The following TECPR2 variants were observed in gnomAD, a reference collection of about 807,000 sequenced individuals.
TECPR2 encodes the protein tectonin beta-propeller repeat-containing protein 2.
Under a neutral mutation model 138.1 loss-of-function variants are expected in TECPR2, and 65 were observed. That is an observed-to-expected ratio of 0.47 (90% CI 0.39 to 0.58). The LOEUF (loss-of-function observed/expected upper bound fraction) is 0.58, where lower values mean the gene tolerates loss of function less well. TECPR2 is among the 20% of genes least tolerant of loss of function. TECPR2 has a pLI of 0.00. For synonymous variants in TECPR2, 746 were observed against 749.8 expected, an observed-to-expected ratio of 0.99 and a Z score of 0.08; for missense variants, 1,553 against 1,824.5, an observed-to-expected ratio of 0.85 and a Z score of 2.71.
chr14:102,498,298 T>C lies in TECPR2; in HGVS notation c.*41T>C. ...GTCACGCGGAGGGGCCCGGCGTCTG[T>C]GGCGGGCACAGGGGCTTCAGAGTGA... On this transcript the variant is annotated 3_prime_UTR_variant, in exon 20 of 20. Transcript: ENST00000359520. 1 of 1,571,896 alleles carries C rather than the reference T, an allele frequency of 6.4e-7. No homozygotes were observed. Among genetic ancestry groups the C allele is most frequent in the Non-Finnish European group, 8.6e-7 (1 of 1,166,962 alleles).
At chr14:102,429,175 C>T (rs1194371349) in intron 7 of TECPR2, among the ~76,000 whole-genome samples, 1 of 152,130 alleles carries the variant, frequency 6.6e-6, no homozygotes, top group Non-Finnish European at 1.5e-5. Flanking sequence ...ATAGCATTTA[C>T]AGTACATTTC....
chr14:102,460,464 A>G (rs1890379580), intron 16 of TECPR2, among the ~76,000 whole-genome samples: 1 of 151,416 alleles, frequency 6.6e-6, no homozygotes, highest in African/African-American at 2.4e-5. Context: ...CAATACAAAA[A>G]TTAGCCAGGT....
intron 7 of TECPR2, among the ~76,000 whole-genome samples, chr14:102,428,994 T>A (rs1889399031): frequency 6.6e-6 from 1 of 152,006 alleles, no homozygotes; most frequent in South Asian, 2.1e-4. Context: ...ATTACAGGCA[T>A]GCGCCATTAT....
At position 102,376,675 on chromosome 14, in the gene TECPR2, T is replaced by C; in HGVS notation, c.-47T>C. The C allele has an allele frequency of 1.3e-6, 2 of 1,574,614 alleles. No individual in the cohort carries two copies. The highest frequency in any genetic ancestry group is 2.2e-5 in the East Asian group (1 of 44,662). Reference sequence around the variant, plus strand: ...CCCCCAGGTTTCCCTAGATGACAAATAAACATTCCTTTTCCTGCGTGAAGA... The same window carrying C: ...CCCCCAGGTTTCCCTAGATGACAAACAAACATTCCTTTTCCTGCGTGAAGA... On this transcript the variant is annotated 5_prime_UTR_variant, in exon 2 of 20. Transcript: ENST00000359520.
In TECPR2 at chr14:102,487,997, A is replaced by G. The variant is rs533998405; in HGVS notation, c.3790-8982A>G. Reference sequence around the variant, plus strand: ...GCTGGGATTACAGGCATGAGCCACCACACCTGGCTAATTTTGTATATTTTT... The same window carrying G: ...GCTGGGATTACAGGCATGAGCCACCGCACCTGGCTAATTTTGTATATTTTT... On this transcript the variant is annotated intron_variant, in intron 17 of 19. Coordinates refer to ENST00000359520, the MANE Select transcript of TECPR2 (RefSeq NM_014844.5). Among the ~76,000 whole-genome samples, 15 of 151,482 alleles carry G rather than the reference A, an allele frequency of 9.9e-5. No homozygotes were observed. The South Asian group carries it at 3.1e-3, about 32-fold the overall frequency.
At position 102,499,005 on chromosome 14, in the gene TECPR2, G is replaced by T. The variant is rs758647505; in HGVS notation, c.*748G>T. On this transcript the variant is annotated 3_prime_UTR_variant, in exon 20 of 20. Coordinates refer to ENST00000359520, the MANE Select transcript of TECPR2 (RefSeq NM_014844.5). The stretch of plus-strand genomic sequence containing the variant: ...ACCCCACACCGCACTGCACCGCACC[G>T]CACCGCACCGTACCTCGCCACATCT... 21 of 696,392 alleles carry T rather than the reference G, an allele frequency of 3.0e-5. No homozygotes were observed. Among genetic ancestry groups the T allele is most frequent in the African/African-American group, 2.5e-4 (14 of 56,712 alleles). The allele number at this position is 696,392 out of a possible 1,614,324, so 43.1% of individuals were successfully genotyped here.
At chr14:102,463,219 C>T (rs1890451676) in intron 16 of TECPR2, among the ~76,000 whole-genome samples, 1 of 151,976 alleles carries the variant, frequency 6.6e-6, no homozygotes, top group Non-Finnish European at 1.5e-5. Context: ...GAGTTCAAGA[C>T]CAGCTTGGCC....
chr14:102,373,518 G>A (rs924792979), intron 1 of TECPR2, among the ~76,000 whole-genome samples: 5 of 152,186 alleles, frequency 3.3e-5, no homozygotes, highest in Admixed American at 6.5e-5. Flanking sequence ...AAGCTAAGAT[G>A]TTCGGCAGGT....
intron 2 of TECPR2, among the ~76,000 whole-genome samples, chr14:102,406,950 C>T (rs1057510966): frequency 3.3e-5 from 5 of 152,212 alleles, no homozygotes; most frequent in African/African-American, 1.2e-4. Context: ...CCTCCGCCTC[C>T]TGGGTTCAAG....
intron 17 of TECPR2, among the ~76,000 whole-genome samples, chr14:102,483,605 T>C (rs1019092641): frequency 3.3e-5 from 5 of 151,406 alleles, no homozygotes; most frequent in Non-Finnish European, 7.4e-5. Flanking sequence ...CATGTTCAGC[T>C]AATTTTTTTA....
Position 102,497,995 on chromosome 14 carries a change from ACCTAGAATGTGGCAAG to A in TECPR2, c.4082-105_4082-90del, listed in dbSNP as rs1227645972. 7 of 872,718 alleles carry A rather than the reference ACCTAGAATGTGGCAAG, an allele frequency of 8.0e-6. No individual in the cohort carries two copies. In the East Asian group the frequency reaches 1.9e-4, roughly 24 times the overall value. 54.1% of individuals were successfully genotyped at this position (872,718 alleles called of 1,614,324 possible). A position where few individuals can be genotyped will look rare whatever the true frequency, so the allele number is the denominator to read the frequency against. ...GATGGTGGCTTGTCCAGTGTCCCCC[ACCTAGAATGTGGCAAG>A]CCCAGACCTGCGCCCAAGCTCCCAG... On this transcript the variant is annotated intron_variant, in intron 19 of 19. Transcript: ENST00000359520.
At chr14:102,399,143 T>C (rs1888400852) in intron 2 of TECPR2, among the ~76,000 whole-genome samples, 1 of 152,110 alleles carries the variant, frequency 6.6e-6, no homozygotes, top group East Asian at 1.9e-4. Context: ...GTGCCTGTAA[T>C]CCCAGCCATC....
In TECPR2 at chr14:102,492,352, G is replaced by A. The variant is rs548879988; in HGVS notation, c.3790-4627G>A. Reference sequence around the variant, plus strand: ...AGACCCAGACAGCCCAGGCCCTGGTGTCAGGAGTGTGGCAGCAGCCAGGGC... The same window carrying A: ...AGACCCAGACAGCCCAGGCCCTGGTATCAGGAGTGTGGCAGCAGCCAGGGC... On this transcript the variant is annotated intron_variant, in intron 17 of 19. Coordinates refer to ENST00000359520, the MANE Select transcript of TECPR2 (RefSeq NM_014844.5). Among the ~76,000 whole-genome samples the A allele has an allele frequency of 3.3e-5, 5 of 152,342 alleles. No homozygotes were observed. In the South Asian group the frequency reaches 8.3e-4, roughly 25 times the overall value.
intron 16 of TECPR2, 79 bp from the exon 17 acceptor site, chr14:102,465,062 A>G: frequency 6.5e-7 from 1 of 1,533,470 alleles, no homozygotes; most frequent in Non-Finnish European, 8.9e-7. Context: ...GAAGTAGAAA[A>G]TCAAAGTTCA....
intron 18 of TECPR2, 80 bp from the exon 19 acceptor site, chr14:102,497,490 G>A: frequency 7.1e-7 from 1 of 1,409,270 alleles, no homozygotes; most frequent in Non-Finnish European, 9.3e-7. Context: ...GAGGTGTGCA[G>A]CGTCACAAGA....
At position 102,417,715 on chromosome 14, in the gene TECPR2, G is replaced by A. The variant is rs573273098; in HGVS notation, c.638+2922G>A. Reference sequence around the variant, plus strand: ...GCTATGGCTGGAGTCCAGGGGAGCCGTGGGGAGGCTGACACGGGAGTCCAG... The same window carrying A: ...GCTATGGCTGGAGTCCAGGGGAGCCATGGGGAGGCTGACACGGGAGTCCAG... On this transcript the variant is annotated intron_variant, in intron 5 of 19. Coordinates refer to ENST00000359520, the MANE Select transcript of TECPR2 (RefSeq NM_014844.5). Among the ~76,000 whole-genome samples, 15 of 151,782 alleles carry A rather than the reference G, an allele frequency of 9.9e-5. No individual in the cohort carries two copies. In the East Asian group the frequency reaches 1.7e-3, roughly 18 times the overall value.
intron 16 of TECPR2, among the ~76,000 whole-genome samples, chr14:102,459,599 G>A (rs549645730): frequency 4.6e-5 from 7 of 152,216 alleles, no homozygotes; most frequent in Admixed American, 1.3e-4. Context: ...GTGAAACCCC[G>A]TCTCTACTAA....
intron 5 of TECPR2, among the ~76,000 whole-genome samples, chr14:102,417,301 G>A (rs1567331950): frequency 1.3e-5 from 2 of 152,242 alleles, no homozygotes; most frequent in Non-Finnish European, 2.9e-5. Context: ...TCTATCCCTG[G>A]AAGCAGTGCT....
At chr14:102,446,773 GA>G (rs1482318612) in intron 13 of TECPR2, among the ~76,000 whole-genome samples, 1 of 152,094 alleles carries the variant, frequency 6.6e-6, no homozygotes, top group Non-Finnish European at 1.5e-5. Context: ...TTCATCATAG[GA>G]AATAATTTGC....
Sources: allele counts gnomAD v4.1 joint callset (sites outside exome capture counted in the v4.1 genomes callset), GRCh38; gene constraint gnomAD v4.1.1; transcripts MANE v1.5; gene names NCBI Gene and HGNC (gene_info 2026-07-23, HGNC 2026-07-21).